RAD51B: variants seen among roughly 807,000 people sequenced by gnomAD.
The protein encoded by RAD51B is RAD51 paralog B.
A neutral mutation model predicts 42.2 loss-of-function variants in RAD51B; 38 were observed. The observed-to-expected ratio is 0.90, with a 90% CI of 0.70 to 1.18. The LOEUF (loss-of-function observed/expected upper bound fraction) is 1.18. Ranked by LOEUF, RAD51B falls within the 50% of genes most tolerant of loss-of-function variation. The pLI is 0.00. For missense variants in RAD51B, 373 were observed against 400.7 expected (o/e 0.93, Z 0.59); for synonymous variants, 154 against 145.2 (o/e 1.06, Z -0.43).
Position 68,170,865 on chromosome 14 carries a change from A to C in RAD51B, c.757-121019A>C, listed in dbSNP as rs75020831. 3.1e-3 allele frequency among the ~76,000 whole-genome samples: 479 copies of C among 152,334 alleles called. 2 individuals carry two copies. Among genetic ancestry groups the C allele is most frequent in the African/African-American group, 0.011 (458 of 41,586 alleles). On this transcript the variant is annotated intron_variant, in intron 7 of 10. Transcript: ENST00000471583. ...TACAACTTTTTATTCTCATTTCTGA[A>C]CATAAAATGTTGATGAAAAAAATGT...
At chr14:68,462,780 G>A (rs1038806395) in intron 9 of RAD51B, among the ~76,000 whole-genome samples, 2 of 152,180 alleles carry the variant, frequency 1.3e-5, no homozygotes, top group African/African-American at 4.8e-5. Context: ...AAGCTGGTCT[G>A]ATATGAAGGA....
intron 7 of RAD51B, among the ~76,000 whole-genome samples, chr14:67,910,992 A>G (rs2043961000): frequency 6.6e-6 from 1 of 151,950 alleles, no homozygotes; most frequent in Non-Finnish European, 1.5e-5. Context: ...TTGTATATGT[A>G]TTTTTAGTAA....
chr14:67,877,449 C>T (rs1316207199), intron 5 of RAD51B, among the ~76,000 whole-genome samples: 1 of 152,092 alleles, frequency 6.6e-6, no homozygotes, highest in African/African-American at 2.4e-5. Flanking sequence ...GTAGTGTTTT[C>T]ATTCATTCAT....
At chr14:68,601,739 C>G (rs1450114507) in intron 10 of RAD51B, among the ~76,000 whole-genome samples, 2 of 152,094 alleles carry the variant, frequency 1.3e-5, no homozygotes, top group Non-Finnish European at 2.9e-5. Flanking sequence ...CACATGCAGG[C>G]CCACTACCTC....
intron 7 of RAD51B, among the ~76,000 whole-genome samples, chr14:68,254,635 A>G (rs2080713595): frequency 6.6e-6 from 1 of 152,240 alleles, no homozygotes; most frequent in Admixed American, 6.5e-5. Flanking sequence ...ACATTCATTA[A>G]TATTTCAAAT....
chr14:68,467,541 C>G (rs560677265), intron 9 of RAD51B, among the ~76,000 whole-genome samples: 40 of 152,226 alleles, frequency 2.6e-4, no homozygotes, highest in Non-Finnish European at 5.4e-4. Context: ...GTTAAGAGAA[C>G]AACTAGAAAT....
intron 7 of RAD51B, among the ~76,000 whole-genome samples, chr14:68,189,926 A>G (rs1327722708): frequency 6.6e-6 from 1 of 152,102 alleles, no homozygotes; most frequent in East Asian, 1.9e-4. Flanking sequence ...TTAGCCTCCC[A>G]AAGTGCTGGG....
At chr14:68,448,283 C>T (rs1341639416) in intron 9 of RAD51B, among the ~76,000 whole-genome samples, 2 of 152,176 alleles carry the variant, frequency 1.3e-5, no homozygotes, top group African/African-American at 4.8e-5. Context: ...TATAGTCTAC[C>T]AGGACATCTC....
chr14:67,905,553 G>A (rs1392757700), intron 7 of RAD51B, among the ~76,000 whole-genome samples: 2 of 152,022 alleles, frequency 1.3e-5, no homozygotes, highest in Admixed American at 6.6e-5. Flanking sequence ...AGCATGGAAT[G>A]TTTTTCCATT....
At chr14:68,586,431 C>T (rs1312514989) in intron 10 of RAD51B, among the ~76,000 whole-genome samples, 3 of 152,202 alleles carry the variant, frequency 2.0e-5, no homozygotes, top group African/African-American at 7.2e-5. Flanking sequence ...TCCAGATGCC[C>T]ATGGAAATGC....
chr14:67,951,621 T>C (rs1275939549), intron 7 of RAD51B, among the ~76,000 whole-genome samples: 1 of 152,184 alleles, frequency 6.6e-6, no homozygotes, highest in Non-Finnish European at 1.5e-5. Context: ...GGCAGAAAGA[T>C]TACTGCTTTA....
intron 8 of RAD51B, among the ~76,000 whole-genome samples, chr14:68,340,798 C>T (rs752923113): frequency 4.6e-5 from 7 of 152,202 alleles, no homozygotes; most frequent in Non-Finnish European, 1.0e-4. Flanking sequence ...TATCCCAAGA[C>T]ATCCATGACG....
intron 7 of RAD51B, among the ~76,000 whole-genome samples, chr14:68,124,004 C>T (rs369631985): frequency 6.6e-6 from 1 of 152,116 alleles, no homozygotes; most frequent in South Asian, 2.1e-4. Context: ...TGCATTAGCT[C>T]CCTGGACTCT....
At chr14:68,320,624 A>G (rs1456558171) in intron 8 of RAD51B, among the ~76,000 whole-genome samples, 3 of 152,222 alleles carry the variant, frequency 2.0e-5, no homozygotes, top group African/African-American at 7.2e-5. Context: ...ACAAAAATAT[A>G]CTGCCCAACA....
chr14:68,514,770 C>T (rs968089169), intron 10 of RAD51B, among the ~76,000 whole-genome samples: 10 of 152,190 alleles, frequency 6.6e-5, no homozygotes, highest in Non-Finnish European at 1.3e-4. Flanking sequence ...CCTTCACCTG[C>T]TTAATGCATT....
chr14:68,562,260 G>A (rs557320054), intron 10 of RAD51B: 1 of 985,338 alleles, frequency 1.0e-6, no homozygotes, highest in East Asian at 1.1e-4. Context: ...CAACAGGTGG[G>A]GGCCAGATCT....
chr14:68,362,406 A>G (rs1380431871), intron 8 of RAD51B, among the ~76,000 whole-genome samples: 1 of 152,192 alleles, frequency 6.6e-6, no homozygotes, highest in Non-Finnish European at 1.5e-5. Flanking sequence ...TAGCAATCTG[A>G]TGATGTAAGT....
intron 8 of RAD51B, among the ~76,000 whole-genome samples, chr14:68,355,789 G>A (rs1252881665): frequency 3.9e-5 from 6 of 152,192 alleles, no homozygotes; most frequent in African/African-American, 7.2e-5. Flanking sequence ...ATACTTCCAT[G>A]TGCCATTGTT....
Position 68,649,716 on chromosome 14 carries a change from C to T in RAD51B, c.1037-1065C>T, listed in dbSNP as rs78373633. Among the ~76,000 whole-genome samples, 493 of 152,248 alleles carry T rather than the reference C, an allele frequency of 3.2e-3. 4 individuals are homozygous for T. Among genetic ancestry groups the T allele is most frequent in the Middle Eastern group, 0.01 (3 of 294 alleles). On this transcript the variant is annotated intron_variant, in intron 10 of 11. Transcript: ENST00000488612. ...ATGTGTGAAGAGGGGAGGTGAGTCG[C>T]GTGCTCTCAGACAGGGCTGTATGGG...
Sources: gnomAD v4.1 joint callset for allele counts (sites outside exome capture counted in the v4.1 genomes callset) on GRCh38, gnomAD v4.1.1 for gene constraint, MANE v1.5 for transcripts, NCBI Gene and HGNC (gene_info 2026-07-23, HGNC 2026-07-21) for gene names.